The following ANKS1A variants were observed in gnomAD, a reference collection of about 807,000 sequenced individuals.
The protein encoded by ANKS1A is ankyrin repeat and SAM domain-containing protein 1A.
In ANKS1A, 55 loss-of-function variants were observed where a neutral mutation model predicts 120.3. That is an observed-to-expected ratio of 0.46 (90% CI 0.37 to 0.57). ANKS1A has a LOEUF of 0.57. Ranked by LOEUF, ANKS1A falls within the 20% of genes least tolerant of loss-of-function variation. The probability of loss-of-function intolerance (pLI) is 0.00; values close to 1 mark genes in which losing one functional copy is unlikely to be tolerated. For missense variants in ANKS1A, 1,123 were observed against 1,480.3 expected, an observed-to-expected ratio of 0.76 and a Z score of 3.96; for synonymous variants, 590 against 604.7, an observed-to-expected ratio of 0.98 and a Z score of 0.36.
At chr6:34,901,365 A>G (rs2127447577) in intron 1 of ANKS1A, among the ~76,000 whole-genome samples, 1 of 152,304 alleles carries the variant, frequency 6.6e-6, no homozygotes, top group East Asian at 1.9e-4. Context: ...CTTGAAGCCT[A>G]GGATTATGGG....
intron 11 of ANKS1A, among the ~76,000 whole-genome samples, chr6:35,052,476 T>A (rs755371067): frequency 4.0e-5 from 6 of 150,554 alleles, no homozygotes; most frequent in Non-Finnish European, 8.9e-5. Flanking sequence ...TTAAAAAAAA[T>A]AGCAAGGCAT....
chr6:34,962,631 C>CA (rs886133970), intron 1 of ANKS1A, among the ~76,000 whole-genome samples: 5 of 151,152 alleles, frequency 3.3e-5, no homozygotes, highest in African/African-American at 9.7e-5. Flanking sequence ...ACTAAAAATA[C>CA]AAAAAAAATT....
intron 10 of ANKS1A, among the ~76,000 whole-genome samples, chr6:35,004,123 G>A (rs1423866974): frequency 1.3e-5 from 2 of 149,480 alleles, no homozygotes; most frequent in African/African-American, 2.4e-5. Flanking sequence ...TGTTTGCTCA[G>A]TCGATCACGA....
At chr6:35,075,064 G>T (rs984429992) in intron 13 of ANKS1A, among the ~76,000 whole-genome samples, 1 of 152,176 alleles carries the variant, frequency 6.6e-6, no homozygotes, top group Non-Finnish European at 1.5e-5. Flanking sequence ...TTCCAGATTG[G>T]GGGGAAAAGA....
Position 35,058,021 on chromosome 6 carries a change from C to T in ANKS1A, c.2078-2126C>T, listed in dbSNP as rs549715595. ...TCATATGCATTTGTGCAGCCAACAT[C>T]GGCTATTGGGAAATCTGTCATTTCG... On this transcript the variant is annotated intron_variant, in intron 12 of 23. Coordinates refer to ENST00000360359, the MANE Select transcript of ANKS1A (RefSeq NM_015245.3). The surrounding 1 kb of genome is among the most constrained non-coding windows in gnomAD (Gnocchi z 5.1). 2.8e-4 allele frequency among the ~76,000 whole-genome samples: 43 copies of T among 152,342 alleles called. No homozygotes were observed. The highest frequency in any genetic ancestry group is 3.4e-3 in the Middle Eastern group (1 of 294).
chr6:35,089,546 T>A lies in ANKS1A; in HGVS notation c.*937T>A. On this transcript the variant is annotated 3_prime_UTR_variant, in exon 24 of 24. Coordinates refer to ENST00000360359, the MANE Select transcript of ANKS1A (RefSeq NM_015245.3). ...TTGTGATTTGTCTAATCAGCCTGTG[T>A]GATTGGGGCTCATTTTGATTCTCTG... is the stretch of plus-strand genomic sequence containing the variant. 1.0e-6 allele frequency: 1 copy of A among 986,696 alleles called. No individual in the cohort carries two copies. The highest frequency in any genetic ancestry group is 1.2e-6 in the Non-Finnish European group (1 of 830,540). 61.1% of individuals were successfully genotyped at this position (986,696 alleles called of 1,614,324 possible).
chr6:34,899,582 T>G (rs1249144208), intron 1 of ANKS1A, among the ~76,000 whole-genome samples: 1 of 152,222 alleles, frequency 6.6e-6, no homozygotes, highest in Admixed American at 6.5e-5. Context: ...CAAATTTATT[T>G]TTTCTTTTAA....
intron 11 of ANKS1A, among the ~76,000 whole-genome samples, chr6:35,023,095 C>G (rs761325619): frequency 6.6e-6 from 1 of 152,052 alleles, no homozygotes; most frequent in Non-Finnish European, 1.5e-5. Flanking sequence ...TGGTTTTGTC[C>G]CTCTACTGAA....
At chr6:35,092,046 C>T (rs1778325768), downstream of ANKS1A, among the ~76,000 whole-genome samples, 1 of 152,186 alleles carries the variant, frequency 6.6e-6, no homozygotes, top group African/African-American at 2.4e-5. Flanking sequence ...TGATGGAGCA[C>T]CTGTGTTCCA....
At chr6:35,073,250 T>C (rs1198276634) in intron 13 of ANKS1A, among the ~76,000 whole-genome samples, 3 of 152,178 alleles carry the variant, frequency 2.0e-5, no homozygotes, top group African/African-American at 7.2e-5. Flanking sequence ...ACTCTTGTTA[T>C]GCCCAGAGCT....
chr6:34,935,994 G>A (rs1048962209), intron 1 of ANKS1A, among the ~76,000 whole-genome samples: 54 of 147,592 alleles, frequency 3.7e-4, no homozygotes, highest in African/African-American at 1.3e-3. Flanking sequence ...CCCGGGAGGC[G>A]GAGCTTGCAG....
At chr6:34,960,732 C>T (rs1240940570) in intron 1 of ANKS1A, among the ~76,000 whole-genome samples, 1 of 152,118 alleles carries the variant, frequency 6.6e-6, no homozygotes. Flanking sequence ...AGGCTTGCTG[C>T]GCTTCAGCAT....
chr6:35,040,619 G>C (rs1775407648), intron 11 of ANKS1A, among the ~76,000 whole-genome samples: 1 of 152,248 alleles, frequency 6.6e-6, no homozygotes, highest in Non-Finnish European at 1.5e-5. Flanking sequence ...GAGCACAAAA[G>C]TATTTGAGAA....
chr6:34,955,604 C>G (rs1034606484), intron 1 of ANKS1A, among the ~76,000 whole-genome samples: 3 of 152,150 alleles, frequency 2.0e-5, no homozygotes, highest in Non-Finnish European at 2.9e-5. Context: ...GATATGGTCT[C>G]TAGGCCTGCT....
intron 1 of ANKS1A, among the ~76,000 whole-genome samples, chr6:34,935,073 A>G (rs1769182154): frequency 6.6e-6 from 1 of 152,162 alleles, no homozygotes. Context: ...ATTCTTCTGG[A>G]CAGTGATAGG....
chr6:34,914,661 C>A (rs1213237903), intron 1 of ANKS1A, among the ~76,000 whole-genome samples: 1 of 152,146 alleles, frequency 6.6e-6, no homozygotes. Flanking sequence ...GGCCCAGTAA[C>A]CATTTTAGGT....
chr6:34,978,967 C>T (rs931481914), intron 3 of ANKS1A, among the ~76,000 whole-genome samples: 4 of 151,712 alleles, frequency 2.6e-5, no homozygotes, highest in African/African-American at 9.7e-5. Flanking sequence ...GCAATCTCGG[C>T]TCACTGCAAC....
At chr6:35,036,715 T>C (rs1775192095) in intron 11 of ANKS1A, among the ~76,000 whole-genome samples, 1 of 152,262 alleles carries the variant, frequency 6.6e-6, no homozygotes, top group South Asian at 2.1e-4. Flanking sequence ...TCAGCCTTCA[T>C]GTTGCTAATG....
chr6:34,939,287 A>C (rs899159364), intron 1 of ANKS1A, among the ~76,000 whole-genome samples: 6 of 152,160 alleles, frequency 3.9e-5, no homozygotes, highest in Admixed American at 1.3e-4. Flanking sequence ...TCCTGTGGAC[A>C]GGGCAATGGA....
Sources: allele counts gnomAD v4.1 joint callset (sites outside exome capture counted in the v4.1 genomes callset), GRCh38; gene constraint gnomAD v4.1.1; non-coding constraint Gnocchi (gnomAD v3.1); transcripts MANE v1.5; gene names NCBI Gene and HGNC (gene_info 2026-07-23, HGNC 2026-07-21).